The following ARMH3 variants were observed in gnomAD, a reference collection of about 807,000 sequenced individuals.
ARMH3 encodes the protein armadillo-like helical domain-containing protein 3.
In ARMH3, 60 loss-of-function variants were observed where a neutral mutation model predicts 99.1. That is an observed-to-expected ratio of 0.61 (90% CI 0.49 to 0.75). The LOEUF (loss-of-function observed/expected upper bound fraction) is 0.75. ARMH3 is among the 30% of genes least tolerant of loss of function. ARMH3 has a pLI of 0.00. For missense variants in ARMH3, 679 were observed against 843.1 expected (o/e 0.81, Z 2.41); for synonymous variants, 285 against 292.8 (o/e 0.97, Z 0.27).
rs1201665907 is a variant in ARMH3 at position 101,978,072 on chromosome 10, T to G, written c.1407-2772A>C. ...AAAGGGGAACAGGGAAAGTCAACAT[T>G]TTTCTATAATGTTCAACTTCATTTT... is the stretch of plus-strand genomic sequence containing the variant. On this transcript the variant is annotated intron_variant, in intron 19 of 25. Transcript: ENST00000370033. Among the ~76,000 whole-genome samples, 11 of 152,214 alleles carry G rather than the reference T, an allele frequency of 7.2e-5. No homozygotes were observed. In the East Asian group the frequency reaches 1.9e-3, roughly 27 times the overall value.
intron 24 of ARMH3, among the ~76,000 whole-genome samples, chr10:101,883,392 G>T (rs1216319212): frequency 2.0e-5 from 3 of 151,740 alleles, no homozygotes; most frequent in Non-Finnish European, 4.4e-5. Context: ...CTCCAGCCTG[G>T]GTGACAGAGC....
intron 23 of ARMH3, among the ~76,000 whole-genome samples, chr10:101,910,750 A>G (rs1281665962): frequency 6.6e-6 from 1 of 151,092 alleles, no homozygotes; most frequent in Non-Finnish European, 1.5e-5. Flanking sequence ...AAAAAAAACA[A>G]CAACTCAAGG....
intron 23 of ARMH3, among the ~76,000 whole-genome samples, chr10:101,892,841 A>C (rs2067726564): frequency 6.6e-6 from 1 of 152,260 alleles, no homozygotes; most frequent in Non-Finnish European, 1.5e-5. Flanking sequence ...ATAAATATTC[A>C]ATAAGTGAAT....
At position 101,997,188 on chromosome 10, in the gene ARMH3, C is replaced by A. The variant is rs183243632; in HGVS notation, c.1151-1833G>T. ...GCTGAGGCAAGAGAATCGCTTGAATCCACAAGGCAGAGGTTGCAGTGAGCC... is the reference window on the plus strand; with the variant it reads ...GCTGAGGCAAGAGAATCGCTTGAATACACAAGGCAGAGGTTGCAGTGAGCC... On this transcript the variant is annotated intron_variant, in intron 15 of 25. Coordinates refer to ENST00000370033, the MANE Select transcript of ARMH3 (RefSeq NM_024541.3). Among the ~76,000 whole-genome samples the A allele has an allele frequency of 2.6e-5, 4 of 152,064 alleles. No homozygotes were observed. In the East Asian group the frequency reaches 7.8e-4, roughly 29 times the overall value.
At chr10:101,891,548 T>C (rs943206720) in intron 23 of ARMH3, among the ~76,000 whole-genome samples, 1 of 152,188 alleles carries the variant, frequency 6.6e-6, no homozygotes, top group Non-Finnish European at 1.5e-5. Context: ...TGAGAAATTG[T>C]CACAAATCAC....
Position 101,939,913 on chromosome 10 carries a change from G to T in ARMH3, c.1731C>A (p.Gly577=), listed in dbSNP as rs1450971775. The stretch of plus-strand genomic sequence containing the variant: ...CCTTGCTAGCTGCTTCCTTCCACTG[G>T]CCTGCATTGGTAGAAAGCCTCAGGA... ...SMVLRLSTNA[G]QWKEAASKVT... Residue 577 remains glycine, a synonymous_variant, in exon 23 of 26, where the codon GGC becomes GGA. Coordinates refer to ENST00000370033, the MANE Select transcript of ARMH3 (RefSeq NM_024541.3). The T allele has an allele frequency of 6.2e-7, 1 of 1,613,574 alleles. No individual in the cohort carries two copies. Among genetic ancestry groups the T allele is most frequent in the Non-Finnish European group, 8.5e-7 (1 of 1,179,928 alleles).
At chr10:101,970,910 T>C (rs1845739966) in intron 20 of ARMH3, among the ~76,000 whole-genome samples, 2 of 151,718 alleles carry the variant, frequency 1.3e-5, no homozygotes, top group Admixed American at 6.6e-5. Flanking sequence ...AGAGGAAATA[T>C]AGATATTTAA....
At chr10:101,992,160 C>CTTT in intron 17 of ARMH3, 122 bp from the exon 18 acceptor site, 1 of 840,660 alleles carries the variant, frequency 1.2e-6, no homozygotes, top group Non-Finnish European at 2.0e-6. Flanking sequence ...TTTTCTTTCT[C>CTTT]TTTTTCACAT....
At chr10:101,931,452 G>A (rs2135670251) in intron 23 of ARMH3, among the ~76,000 whole-genome samples, 1 of 152,192 alleles carries the variant, frequency 6.6e-6, no homozygotes, top group South Asian at 2.1e-4. Flanking sequence ...TTGAACCCAA[G>A]AGGTGGAGGT....
At chr10:101,882,404 C>T (rs1298326489) in intron 24 of ARMH3, among the ~76,000 whole-genome samples, 1 of 152,154 alleles carries the variant, frequency 6.6e-6, no homozygotes, top group Non-Finnish European at 1.5e-5. Context: ...ATTTGTAAAC[C>T]AACTCAAACG....
chr10:101,919,742 G>A (rs1235135279), intron 23 of ARMH3, among the ~76,000 whole-genome samples: 2 of 152,192 alleles, frequency 1.3e-5, no homozygotes, highest in African/African-American at 4.8e-5. Flanking sequence ...TTTAAGAAAT[G>A]CTGTTGCAGA....
chr10:101,999,835 G>C (rs1234289597), intron 15 of ARMH3, among the ~76,000 whole-genome samples: 6 of 151,998 alleles, frequency 3.9e-5, no homozygotes, highest in Non-Finnish European at 8.8e-5. Context: ...CTGTAATCCC[G>C]GCACTTTGGG....
At chr10:102,023,801 T>A in intron 6 of ARMH3, 52 bp from the exon 7 acceptor site, 1 of 1,491,620 alleles carries the variant, frequency 6.7e-7, no homozygotes, top group Non-Finnish European at 9.3e-7. Flanking sequence ...TTCTGATATC[T>A]TGTGTAATCT....
chr10:101,857,089 A>G (rs1439359826), intron 24 of ARMH3, among the ~76,000 whole-genome samples: 1 of 152,104 alleles, frequency 6.6e-6, no homozygotes, highest in Non-Finnish European at 1.5e-5. Flanking sequence ...TGCTCCCCAC[A>G]CTACCTTTCT....
intron 23 of ARMH3, among the ~76,000 whole-genome samples, chr10:101,907,171 T>A (rs1413498774): frequency 6.6e-6 from 1 of 152,196 alleles, no homozygotes; most frequent in Non-Finnish European, 1.5e-5. Context: ...TTGGTTCCTT[T>A]AAGTTCCTAT....
chr10:101,908,527 T>C (rs940897332), intron 23 of ARMH3, among the ~76,000 whole-genome samples: 3 of 152,136 alleles, frequency 2.0e-5, no homozygotes, highest in Admixed American at 6.6e-5. Flanking sequence ...CTCCAAGTTG[T>C]GCCAACTGAA....
At position 102,025,820 on chromosome 10, in the gene ARMH3, T is replaced by C. The variant is rs190836929; in HGVS notation, c.415-572A>G. Among the ~76,000 whole-genome samples, 214 of 152,246 alleles carry C rather than the reference T, an allele frequency of 1.4e-3. 1 individual carries two copies. The highest frequency in any genetic ancestry group is 5.1e-3 in the African/African-American group (210 of 41,546). On this transcript the variant is annotated intron_variant, in intron 5 of 25. Coordinates refer to ENST00000370033, the MANE Select transcript of ARMH3 (RefSeq NM_024541.3). Reference sequence around the variant, plus strand: ...GTGTGCCACCACACCCAGGTTTTTTTTTCTTTTTCTTTATAGAGACAAGGT... The same window carrying C: ...GTGTGCCACCACACCCAGGTTTTTTCTTCTTTTTCTTTATAGAGACAAGGT...
At chr10:101,997,099 T>C (rs1379864593) in intron 15 of ARMH3, among the ~76,000 whole-genome samples, 1 of 151,906 alleles carries the variant, frequency 6.6e-6, no homozygotes, top group Non-Finnish European at 1.5e-5. Context: ...ACCCCTTCTC[T>C]ACTAAAGATA....
intron 23 of ARMH3, among the ~76,000 whole-genome samples, chr10:101,890,480 A>G (rs2067663065): frequency 6.6e-6 from 1 of 152,160 alleles, no homozygotes. Context: ...GGGCTCAAGC[A>G]ATCCACAGGT....
Sources: allele counts gnomAD v4.1 joint callset (sites outside exome capture counted in the v4.1 genomes callset), GRCh38; gene constraint gnomAD v4.1.1; transcripts MANE v1.5; gene names NCBI Gene and HGNC (gene_info 2026-07-23, HGNC 2026-07-21).